SGCD: variants seen among roughly 807,000 people sequenced by gnomAD.
SGCD encodes the protein delta-sarcoglycan.
A neutral mutation model predicts 36.6 loss-of-function variants in SGCD; 18 were observed. That is an observed-to-expected ratio of 0.49 (90% CI 0.34 to 0.73). SGCD has a LOEUF of 0.73. SGCD is among the 30% of genes least tolerant of loss of function. The pLI is 0.01. For missense variants in SGCD, 387 were observed against 346.7 expected, an observed-to-expected ratio of 1.12 and a Z score of -0.92; for synonymous variants, 133 against 130.6, an observed-to-expected ratio of 1.02 and a Z score of -0.12.
intron 4 of SGCD, among the ~76,000 whole-genome samples, chr5:156,588,988 TTGTGTGTGTGTGTGTGTG>T (rs113243314): frequency 1.4e-5 from 2 of 143,060 alleles, no homozygotes; most frequent in African/African-American, 2.6e-5. Context: ...GGAATCTATA[TTGTGTGTGTGTGTGTGTG>T]TGTGTGTGTG....
At chr5:156,671,029 C>G (rs1182579738) in intron 7 of SGCD, among the ~76,000 whole-genome samples, 2 of 151,854 alleles carry the variant, frequency 1.3e-5, no homozygotes, top group Admixed American at 1.3e-4. Context: ...GTAATTCCTG[C>G]TGTCATATTT....
intron 3 of SGCD, among the ~76,000 whole-genome samples, chr5:156,183,246 G>A (rs1189016248): frequency 6.6e-6 from 1 of 152,150 alleles, no homozygotes; most frequent in African/African-American, 2.4e-5. Flanking sequence ...AAAGACTTAG[G>A]TAGATTTCAA....
chr5:156,206,904 T>C (rs190391659), intron 3 of SGCD, among the ~76,000 whole-genome samples: 11 of 152,004 alleles, frequency 7.2e-5, no homozygotes, highest in Non-Finnish European at 1.5e-4. Context: ...TATTTTTTTT[T>C]CCCCTGCACA....
chr5:156,560,264 T>A (rs887576282), intron 4 of SGCD, among the ~76,000 whole-genome samples: 1 of 152,170 alleles, frequency 6.6e-6, no homozygotes, highest in Non-Finnish European at 1.5e-5. Flanking sequence ...TTTCCTTCCA[T>A]CAGAATTGCA....
chr5:156,153,536 C>A (rs1762876658), intron 3 of SGCD, among the ~76,000 whole-genome samples: 1 of 151,732 alleles, frequency 6.6e-6, no homozygotes, highest in African/African-American at 2.4e-5. Context: ...TTCATGGGAA[C>A]TTTACATTGA....
chr5:156,276,865 C>T (rs1034671999), intron 3 of SGCD, among the ~76,000 whole-genome samples: 2 of 152,116 alleles, frequency 1.3e-5, no homozygotes, highest in Non-Finnish European at 2.9e-5. Flanking sequence ...CCAATATTTA[C>T]ATAACATCCC....
At chr5:156,376,150 A>T (rs1439486366) in intron 3 of SGCD, among the ~76,000 whole-genome samples, 1 of 152,202 alleles carries the variant, frequency 6.6e-6, no homozygotes, top group African/African-American at 2.4e-5. Context: ...GCTGCCTGGG[A>T]TGAAAGCTCT....
chr5:156,168,935 T>A (rs976318773), intron 3 of SGCD, among the ~76,000 whole-genome samples: 2 of 152,178 alleles, frequency 1.3e-5, no homozygotes, highest in Admixed American at 6.5e-5. Context: ...ACTCTCTGCA[T>A]GTGATGGGAT....
rs537999499 is a variant in SGCD, at chr5:156,062,056, A to G, written c.-281-55822A>G. Among the ~76,000 whole-genome samples, 57 of 85,564 alleles carry G rather than the reference A, an allele frequency of 6.7e-4. 1 individual carries two copies. Among genetic ancestry groups the G allele is most frequent in the Non-Finnish European group, 2.6e-4 (12 of 46,968 alleles). The allele number at this position is 85,564 out of a possible 152,430, so 56.1% of individuals were successfully genotyped here. On this transcript the variant is annotated intron_variant, in intron 1 of 9. Coordinates refer to the SGCD transcript ENST00000517913. Reference sequence around the variant, plus strand: ...ACTAATGTGTCATCTAGCATTAGGTATATCTCCCAATGCTATCCCTCCCCC... The same window carrying G: ...ACTAATGTGTCATCTAGCATTAGGTGTATCTCCCAATGCTATCCCTCCCCC...
At chr5:156,101,501 C>A (rs1348496972) in intron 1 of SGCD, among the ~76,000 whole-genome samples, 1 of 152,088 alleles carries the variant, frequency 6.6e-6, no homozygotes, top group African/African-American at 2.4e-5. Flanking sequence ...TAGAAATATA[C>A]CTTTGCCTTA....
intron 3 of SGCD, among the ~76,000 whole-genome samples, chr5:156,437,110 G>A (rs1314511690): frequency 2.0e-5 from 3 of 152,174 alleles, no homozygotes; most frequent in East Asian, 3.9e-4. Context: ...GAAAGATTGA[G>A]TTCATCCTGA....
At chr5:155,740,482 C>A in the SGCD span, among the ~76,000 whole-genome samples, 1 of 152,098 alleles carries the variant, frequency 6.6e-6, no homozygotes, top group Non-Finnish European at 1.5e-5. Context: ...ATCACTCAAA[C>A]TGAAATCCTT....
intron 8 of SGCD, chr5:156,758,021 T>G: frequency 8.7e-7 from 1 of 1,149,246 alleles, no homozygotes; most frequent in Non-Finnish European, 1.1e-6. Context: ...GCCAACATAA[T>G]TAAGCTGTAT....
At chr5:156,268,165 C>T (rs182642242) in intron 3 of SGCD, among the ~76,000 whole-genome samples, 20 of 152,264 alleles carry the variant, frequency 1.3e-4, no homozygotes, top group African/African-American at 3.9e-4. Context: ...AAACATGATC[C>T]CATTCTTTTT....
chr5:156,412,359 A>G (rs2127770447), intron 3 of SGCD, among the ~76,000 whole-genome samples: 1 of 152,378 alleles, frequency 6.6e-6, no homozygotes, highest in South Asian at 2.1e-4. Context: ...TTGTATTTGA[A>G]TACAATCAAA....
chr5:156,346,275 T>TA (rs1561635042), intron 3 of SGCD, among the ~76,000 whole-genome samples: 1 of 152,144 alleles, frequency 6.6e-6, no homozygotes, highest in Non-Finnish European at 1.5e-5. Flanking sequence ...CAGTTCTTTC[T>TA]AAAAAAATTT....
At chr5:156,310,583 G>A (rs1767366679) in intron 3 of SGCD, among the ~76,000 whole-genome samples, 1 of 152,182 alleles carries the variant, frequency 6.6e-6, no homozygotes, top group African/African-American at 2.4e-5. Context: ...GCCTTTAGTA[G>A]ACTCCAAAAT....
intron 3 of SGCD, among the ~76,000 whole-genome samples, chr5:156,482,692 A>C (rs1755484793): frequency 6.6e-6 from 1 of 152,200 alleles, no homozygotes; most frequent in Admixed American, 6.5e-5. Flanking sequence ...AGAAGTATCA[A>C]GAGCTAAAAA....
chr5:156,708,664 A>ATTGT (rs1160942), intron 7 of SGCD, among the ~76,000 whole-genome samples: 139,543 of 151,956 alleles, frequency 0.92, 64,248 homozygotes, highest in East Asian at 0.99. Flanking sequence ...CTTCAAATAC[A>ATTGT]TTGTAAATTC....
Sources: gnomAD v4.1 joint callset for allele counts (sites outside exome capture counted in the v4.1 genomes callset) on GRCh38, gnomAD v4.1.1 for gene constraint, MANE v1.5 for transcripts, NCBI Gene and HGNC (gene_info 2026-07-23, HGNC 2026-07-21) for gene names.